Variants in EIF2AK2 observed in about 807,000 individuals in gnomAD.
The protein encoded by EIF2AK2 is eukaryotic translation initiation factor 2 alpha kinase 2, also known as interferon-induced, double-stranded RNA-activated protein kinase.
Under a neutral mutation model 70.5 loss-of-function variants are expected in EIF2AK2, and 40 were observed. That is an observed-to-expected ratio of 0.57 (90% CI 0.44 to 0.74). EIF2AK2 has a LOEUF of 0.74. EIF2AK2 is among the 30% of genes least tolerant of loss of function. EIF2AK2 has a pLI of 0.00. For synonymous variants in EIF2AK2, 198 were observed against 220.9 expected (o/e 0.90, Z 0.92); for missense variants, 555 against 644.3 (o/e 0.86, Z 1.50).
chr2:37,109,924 G>A (rs546443029), intron 14 of EIF2AK2, among the ~76,000 whole-genome samples: 1 of 152,238 alleles, frequency 6.6e-6, no homozygotes, highest in East Asian at 1.9e-4. Context: ...GTGGGGAGGA[G>A]GCACTGACTG....
intron 10 of EIF2AK2, among the ~76,000 whole-genome samples, chr2:37,133,523 A>C (rs1255051628): frequency 6.6e-6 from 1 of 151,880 alleles, no homozygotes; most frequent in Non-Finnish European, 1.5e-5. Context: ...GATCTTCCTC[A>C]CTACACCCAC....
intron 6 of EIF2AK2, among the ~76,000 whole-genome samples, chr2:37,138,867 C>T (rs1675220745): frequency 6.6e-6 from 1 of 152,054 alleles, no homozygotes; most frequent in Non-Finnish European, 1.5e-5. Context: ...ACAATCTTGG[C>T]TCACTGCAAC....
chr2:37,107,531 G>A lies in EIF2AK2; in HGVS notation c.1480-4C>T, dbSNP rs762722961. The A allele has an allele frequency of 6.9e-6, 11 of 1,584,876 alleles. No individual in the cohort carries two copies. The Admixed American group carries it at 9.1e-5, about 13-fold the overall frequency. On this transcript the variant is annotated splice_polypyrimidine_tract_variant and splice_region_variant and intron_variant, in intron 15 of 16. Transcript: ENST00000233057. ...CATCCCGTAGGTCTGTGAAAAACTG[G>A]AAAAAAAAATGATAGGTGTATATTA...
chr2:37,149,187 G>A, intron 1 of EIF2AK2, 164 bp from the exon 2 acceptor site: 1 of 1,093,992 alleles, frequency 9.1e-7, no homozygotes, highest in Middle Eastern at 2.0e-4. Context: ...TTCTATGCTT[G>A]TCGTGCCTGT....
At chr2:37,119,882 G>A in intron 13 of EIF2AK2, 77 bp downstream of exon 13, 1 of 878,326 alleles carries the variant, frequency 1.1e-6, no homozygotes, top group Non-Finnish European at 1.5e-6. Context: ...GTGAGCCACT[G>A]TGCCCAGCTG....
intron 13 of EIF2AK2, among the ~76,000 whole-genome samples, chr2:37,116,828 C>T (rs1674357983): frequency 1.3e-5 from 2 of 152,118 alleles, no homozygotes; most frequent in African/African-American, 4.8e-5. Context: ...CTCTAAGAAA[C>T]AGAAAATTGA....
At position 37,099,266 on chromosome 2, in the gene EIF2AK2, G is replaced by A. The variant is rs1252357826; in HGVS notation, c.*8007C>T. ...GTTATTTGTTAAACATTTAATTGTT[G>A]AGATTTGAAAATGAACATTATTATT... On this transcript the variant is annotated 3_prime_UTR_variant, in exon 17 of 17. Coordinates refer to ENST00000233057, the MANE Select transcript of EIF2AK2 (RefSeq NM_001135651.3). 2 of 152,132 alleles carry A rather than the reference G, an allele frequency of 1.3e-5. No individual in the cohort carries two copies. Among genetic ancestry groups the A allele is most frequent in the East Asian group, 3.8e-4 (2 of 5,196 alleles). The allele number at this position is 152,132 out of a possible 1,614,324, so 9.4% of individuals were successfully genotyped here. A position where few individuals can be genotyped will look rare whatever the true frequency, so the allele number is the denominator to read the frequency against.
intron 10 of EIF2AK2, among the ~76,000 whole-genome samples, chr2:37,130,334 C>T (rs886748263): frequency 2.0e-5 from 3 of 152,254 alleles, no homozygotes; most frequent in East Asian, 1.9e-4. Context: ...AACTCCTGAC[C>T]TCAGGTGATC....
At chr2:37,142,980 G>A (rs1675387191) in intron 4 of EIF2AK2, among the ~76,000 whole-genome samples, 1 of 152,172 alleles carries the variant, frequency 6.6e-6, no homozygotes, top group Non-Finnish European at 1.5e-5. Flanking sequence ...TGTAATCCCA[G>A]CACTTTGGGA....
intron 11 of EIF2AK2, among the ~76,000 whole-genome samples, chr2:37,124,952 T>G (rs899698450): frequency 3.9e-5 from 6 of 152,196 alleles, no homozygotes; most frequent in Admixed American, 3.3e-4. Context: ...AGTCTCAAAC[T>G]CCTGGGCTCA....
intron 12 of EIF2AK2, among the ~76,000 whole-genome samples, chr2:37,120,355 A>G (rs1282098121): frequency 6.6e-6 from 1 of 151,286 alleles, no homozygotes; most frequent in African/African-American, 2.4e-5. Context: ...AATACAAAAA[A>G]TTAGCCAGGC....
intron 2 of EIF2AK2, among the ~76,000 whole-genome samples, chr2:37,148,237 T>C (rs995231326): frequency 1.3e-5 from 2 of 152,210 alleles, no homozygotes; most frequent in Non-Finnish European, 2.9e-5. Context: ...AACTCTGCTC[T>C]GTGCTTCCAC....
At chr2:37,143,921 C>A (rs1386785110) in intron 4 of EIF2AK2, among the ~76,000 whole-genome samples, 8 of 152,092 alleles carry the variant, frequency 5.3e-5, no homozygotes, top group African/African-American at 1.9e-4. Flanking sequence ...AAACTATTTA[C>A]ATAGCATTTA....
chr2:37,140,606 C>A (rs182781620), intron 5 of EIF2AK2, among the ~76,000 whole-genome samples: 2 of 151,700 alleles, frequency 1.3e-5, no homozygotes, highest in Non-Finnish European at 2.9e-5. Flanking sequence ...TACTGCCCCC[C>A]CCCGCAAACA....
chr2:37,143,588 T>C (rs893875480), intron 4 of EIF2AK2, among the ~76,000 whole-genome samples: 2 of 152,128 alleles, frequency 1.3e-5, no homozygotes, highest in Non-Finnish European at 2.9e-5. Context: ...CAATACAGCA[T>C]AACAACTACT....
At chr2:37,112,583 C>A (rs1345214920) in intron 14 of EIF2AK2, among the ~76,000 whole-genome samples, 1 of 152,118 alleles carries the variant, frequency 6.6e-6, no homozygotes, top group Admixed American at 6.5e-5. Context: ...AATAATGTGG[C>A]AGGTCCTGCT....
chr2:37,154,062 C>T (rs1675836481), intron 1 of EIF2AK2, among the ~76,000 whole-genome samples: 1 of 152,120 alleles, frequency 6.6e-6, no homozygotes, highest in African/African-American at 2.4e-5. Flanking sequence ...CGCGGTGGCT[C>T]ACACCTGTAA....
chr2:37,109,380 A>G lies in EIF2AK2; in HGVS notation c.1378-85T>C, dbSNP rs1243412044. On this transcript the variant is annotated intron_variant, in intron 14 of 16. Coordinates refer to ENST00000233057, the MANE Select transcript of EIF2AK2 (RefSeq NM_001135651.3). ...TAAAGCCCAAAAAAGTTATTTGACC[A>G]AAACATCTTACACCACAAAACAATG... 4 of 1,114,832 alleles carry G rather than the reference A, an allele frequency of 3.6e-6. No homozygotes were observed. The Admixed American group carries it at 9.3e-5, about 26-fold the overall frequency. The allele number at this position is 1,114,832 out of a possible 1,614,324, so 69.1% of individuals were successfully genotyped here.
intron 11 of EIF2AK2, among the ~76,000 whole-genome samples, chr2:37,125,631 A>C (rs1447931042): frequency 6.6e-6 from 1 of 152,226 alleles, no homozygotes; most frequent in East Asian, 1.9e-4. Flanking sequence ...AGCCGGTGTC[A>C]ACTGCTAGCC....
Sources: allele counts gnomAD v4.1 joint callset (sites outside exome capture counted in the v4.1 genomes callset), GRCh38; gene constraint gnomAD v4.1.1; transcripts MANE v1.5; gene names NCBI Gene and HGNC (gene_info 2026-07-23, HGNC 2026-07-21).